The following DRC8 variants were observed in gnomAD, a reference collection of about 807,000 sequenced individuals.
The protein encoded by DRC8 is dynein regulatory complex protein 8.
chr1:245,057,750 A>G, the DRC8 span, among the ~76,000 whole-genome samples: 1 of 152,090 alleles, frequency 6.6e-6, no homozygotes, highest in Non-Finnish European at 1.5e-5. Flanking sequence ...AAGTCAGGGC[A>G]ATTGGGATAT....
chr1:244,977,229 A>G, the DRC8 span, among the ~76,000 whole-genome samples: 2 of 152,248 alleles, frequency 1.3e-5, no homozygotes, highest in Non-Finnish European at 2.9e-5. Flanking sequence ...GTGTGAAGGT[A>G]CTTAACACTA....
At chr1:245,035,866 CAA>C in the DRC8 span, among the ~76,000 whole-genome samples, 12 of 109,912 alleles carry the variant, frequency 1.1e-4, no homozygotes, top group Admixed American at 2.0e-4. Flanking sequence ...GACTCTGTCT[CAA>C]AAAAAAAAAA....
At chr1:244,975,080 G>A in the DRC8 span, among the ~76,000 whole-genome samples, 3 of 152,046 alleles carry the variant, frequency 2.0e-5, no homozygotes, top group African/African-American at 2.4e-5. Context: ...ACAGGTGCCT[G>A]CCACCACGCC....
chr1:245,016,130 C>T, the DRC8 span, among the ~76,000 whole-genome samples: 4 of 151,872 alleles, frequency 2.6e-5, no homozygotes, highest in Admixed American at 6.6e-5. Context: ...TACAGTTATG[C>T]GCCACCATGC....
the DRC8 span, among the ~76,000 whole-genome samples, chr1:245,118,653 T>G: frequency 6.6e-6 from 1 of 151,736 alleles, no homozygotes; most frequent in African/African-American, 2.4e-5. Context: ...TAGCCTGGCG[T>G]GGTGGTGCAT....
the DRC8 span, among the ~76,000 whole-genome samples, chr1:244,990,055 C>A: frequency 1.3e-5 from 2 of 152,240 alleles, no homozygotes; most frequent in African/African-American, 4.8e-5. Flanking sequence ...TGACATTTAA[C>A]CATGAACATT....
chr1:245,100,172 G>C, the DRC8 span, among the ~76,000 whole-genome samples: 1 of 151,980 alleles, frequency 6.6e-6, no homozygotes, highest in Non-Finnish European at 1.5e-5. Context: ...ATCACCTGAG[G>C]TCAGGAGTTC....
At chr1:245,065,545 A>G in the DRC8 span, among the ~76,000 whole-genome samples, 7 of 152,134 alleles carry the variant, frequency 4.6e-5, no homozygotes, top group Admixed American at 4.6e-4. Context: ...ATCTCTGAAG[A>G]TAATAGTGTT....
chr1:245,057,558 G>T, the DRC8 span, among the ~76,000 whole-genome samples: 1 of 152,068 alleles, frequency 6.6e-6, no homozygotes, highest in South Asian at 2.1e-4. Context: ...ATGCATAATA[G>T]CCAGATGTAG....
the DRC8 span, among the ~76,000 whole-genome samples, chr1:245,036,664 G>A: frequency 2.6e-5 from 4 of 152,218 alleles, no homozygotes; most frequent in Admixed American, 2.0e-4. Context: ...AGCTATAAAA[G>A]GAATGAAGTA....
the DRC8 span, chr1:244,970,611 G>GC: frequency 1.5e-6 from 1 of 689,114 alleles, no homozygotes. Context: ...CCCTGCCCCC[G>GC]TCCCCGTAGC....
At chr1:245,116,340 A>T in the DRC8 span, among the ~76,000 whole-genome samples, 1 of 152,158 alleles carries the variant, frequency 6.6e-6, no homozygotes, top group South Asian at 2.1e-4. Flanking sequence ...GCGAGCCTTG[A>T]CTGAGTCACT....
the DRC8 span, among the ~76,000 whole-genome samples, chr1:245,031,381 T>C: frequency 6.6e-6 from 1 of 151,844 alleles, no homozygotes; most frequent in Admixed American, 6.6e-5. Flanking sequence ...TTTTTACCAA[T>C]GAAATGTGGA....
chr1:244,980,040 T>TGAA, the DRC8 span, among the ~76,000 whole-genome samples: 3 of 34,736 alleles, frequency 8.6e-5, no homozygotes, highest in African/African-American at 4.1e-4. Flanking sequence ...CCGTCTCTAC[T>TGAA]AAAAAAAAAA....
At chr1:244,970,533 T>C in the DRC8 span, 2 of 1,470,626 alleles carry the variant, frequency 1.4e-6, no homozygotes, top group South Asian at 1.3e-5. Flanking sequence ...TGGGCCCTCG[T>C]CCATCTGGAG....
At chr1:245,068,450 C>CT in the DRC8 span, among the ~76,000 whole-genome samples, 5 of 151,380 alleles carry the variant, frequency 3.3e-5, no homozygotes, top group South Asian at 2.1e-4. Context: ...CTATCGTATT[C>CT]TTTTTTTTAG....
At chr1:245,039,300 C>CAA in the DRC8 span, among the ~76,000 whole-genome samples, 42 of 27,474 alleles carry the variant, frequency 1.5e-3, 1 homozygote, top group African/African-American at 3.3e-3. Context: ...CTTGTCTCTA[C>CAA]AAAAAAAAAA....
At chr1:245,001,268 C>T in the DRC8 span, among the ~76,000 whole-genome samples, 1 of 152,046 alleles carries the variant, frequency 6.6e-6, no homozygotes, top group African/African-American at 2.4e-5. Context: ...TTGCCCAAGA[C>T]CATTTAGCCT....
the DRC8 span, among the ~76,000 whole-genome samples, chr1:245,100,395 G>A: frequency 8.0e-5 from 12 of 149,250 alleles, no homozygotes; most frequent in Admixed American, 2.0e-4. Flanking sequence ...AAAAGTAGTA[G>A]TAATAATAAT....
Sources: gnomAD v4.1 joint callset for allele counts (sites outside exome capture counted in the v4.1 genomes callset) on GRCh38, gnomAD v4.1.1 for gene constraint, MANE v1.5 for transcripts, NCBI Gene and HGNC (gene_info 2026-07-23, HGNC 2026-07-21) for gene names.